The following TPH2 variants were observed in gnomAD, a reference collection of about 807,000 sequenced individuals.
TPH2 encodes tryptophan 5-hydroxylase 2.
TPH2 carries 27 observed loss-of-function variants against 59.1 expected under a neutral mutation model. The observed-to-expected ratio is 0.46, with a 90% CI of 0.34 to 0.63. TPH2 has a LOEUF of 0.63. TPH2 is among the 30% of genes least tolerant of loss of function. TPH2 has a pLI of 0.01. For missense variants in TPH2, 523 were observed against 588.3 expected, an observed-to-expected ratio of 0.89 and a Z score of 1.15; for synonymous variants, 220 against 210.5, an observed-to-expected ratio of 1.05 and a Z score of -0.39.
intron 5 of TPH2, among the ~76,000 whole-genome samples, chr12:71,953,603 C>T (rs1383052218): frequency 2.0e-5 from 3 of 152,180 alleles, no homozygotes; most frequent in African/African-American, 2.4e-5. Flanking sequence ...AGGAGAGTGA[C>T]GTGAATACCA....
intron 5 of TPH2, among the ~76,000 whole-genome samples, chr12:71,968,412 C>T (rs1026808011): frequency 1.3e-5 from 2 of 152,182 alleles, no homozygotes; most frequent in Non-Finnish European, 2.9e-5. Flanking sequence ...ACATAAATGT[C>T]TAGACTTTGC....
intron 5 of TPH2, among the ~76,000 whole-genome samples, chr12:71,955,286 A>C (rs78866127): frequency 6.6e-6 from 1 of 152,186 alleles, no homozygotes; most frequent in Non-Finnish European, 1.5e-5. Flanking sequence ...AGACAAAACT[A>C]TCTCTTCGGC....
chr12:71,978,970 T>A lies in TPH2; in HGVS notation c.824T>A (p.Val275Glu). 1 of 1,614,160 alleles carries A rather than the reference T, an allele frequency of 6.2e-7. No individual in the cohort carries two copies. The highest frequency in any genetic ancestry group is 8.5e-7 in the Non-Finnish European group (1 of 1,180,020). Residue 275 changes from valine (V) to glutamate (E), a missense_variant, in exon 7 of 11, where the codon GTG (valine) becomes GAG (glutamate). Physicochemically the swap from Val to Glu is moderately radical, Grantham distance 121. Transcript: ENST00000333850. ...TTTTTAGAAAGGTCTGGCTTCACGG[T>A]GAGGCCGGTGGCTGGATACCTGAGC... The part of the protein sequence containing the change: ...MFLKERSGFT[V>E]RPVAGYLSPR...
chr12:72,014,747 T>C (rs11179047), intron 8 of TPH2, among the ~76,000 whole-genome samples: 6,979 of 152,250 alleles, frequency 0.046, 306 homozygotes, highest in East Asian at 0.17. Context: ...TTGGGGTAGT[T>C]GTTGATGCCT....
At position 72,003,656 on chromosome 12, in the gene TPH2, A is replaced by G. The variant is rs185159793; in HGVS notation, c.1068+9091A>G. Among the ~76,000 whole-genome samples, 236 of 152,224 alleles carry G rather than the reference A, an allele frequency of 1.6e-3. 4 individuals are homozygous for G. Among genetic ancestry groups the G allele is most frequent in the Non-Finnish European group, 1.3e-4 (9 of 68,014 alleles). Reference sequence around the variant, plus strand: ...TAGCCCAGGCTGTTTTGTTCTACTCATATGTGCATGTTTCCTTTATGATAT... The same window carrying G: ...TAGCCCAGGCTGTTTTGTTCTACTCGTATGTGCATGTTTCCTTTATGATAT... On this transcript the variant is annotated intron_variant, in intron 8 of 10. Transcript: ENST00000333850.
At chr12:72,031,111 C>CA in intron 9 of TPH2, 147 bp from the exon 10 acceptor site, 1 of 1,129,946 alleles carries the variant, frequency 8.8e-7, no homozygotes, top group Non-Finnish European at 1.3e-6. Flanking sequence ...ACCCTGCACA[C>CA]AGGAGAGTTC....
intron 7 of TPH2, 129 bp downstream of exon 7, chr12:71,979,216 C>A: frequency 1.5e-6 from 2 of 1,364,594 alleles, no homozygotes; most frequent in Non-Finnish European, 2.1e-6. Context: ...TCACATCACT[C>A]ACCTAAAGAG....
At chr12:71,939,185 G>A (rs2139173764) in intron 1 of TPH2, 94 bp downstream of exon 1, 1 of 918,532 alleles carries the variant, frequency 1.1e-6, no homozygotes, top group Non-Finnish European at 1.7e-6. Context: ...GTGTAAGCAC[G>A]CACACCTCAA....
intron 5 of TPH2, among the ~76,000 whole-genome samples, chr12:71,957,543 C>A (rs1871545681): frequency 6.6e-6 from 1 of 151,892 alleles, no homozygotes; most frequent in African/African-American, 2.4e-5. Context: ...CACTATGTTG[C>A]CCAGGCTAGT....
At chr12:72,031,097 A>G (rs1259670442) in intron 9 of TPH2, among the ~76,000 whole-genome samples, 161 bp from the exon 10 acceptor site, 3 of 152,080 alleles carry the variant, frequency 2.0e-5, no homozygotes, top group African/African-American at 7.2e-5. Context: ...CTAGTTTCCA[A>G]TTTACCCTGC....
chr12:71,960,613 G>C (rs931453531), intron 5 of TPH2, among the ~76,000 whole-genome samples: 1 of 152,110 alleles, frequency 6.6e-6, no homozygotes, highest in African/African-American at 2.4e-5. Context: ...GGGCTTGGTG[G>C]GTTTTTTAGA....
At position 71,938,922 on chromosome 12, in the gene TPH2, C is replaced by T; in HGVS notation, c.-65C>T. 1.4e-6 allele frequency: 2 copies of T among 1,392,204 alleles called. No individual in the cohort carries two copies. Among genetic ancestry groups the T allele is most frequent in the Non-Finnish European group, 2.0e-6 (2 of 981,236 alleles). 86.2% of individuals were successfully genotyped at this position (1,392,204 alleles called of 1,614,324 possible). On this transcript the variant is annotated 5_prime_UTR_variant, in exon 1 of 11. Transcript: ENST00000333850. ...TCGCACGCCCCTTCCTCTCAATCTC[C>T]GCCAGCGCTGCTACTGCCCCTCTAG... is the stretch of plus-strand genomic sequence containing the variant.
chr12:71,964,515 A>G, intron 5 of TPH2: 1 of 984,024 alleles, frequency 1.0e-6, no homozygotes, highest in Non-Finnish European at 1.2e-6. Flanking sequence ...TTCTGGCAAT[A>G]TTTTTCCAGT....
At chr12:71,978,897 G>A in intron 6 of TPH2, 55 bp from the exon 7 acceptor site, 1 of 1,610,794 alleles carries the variant, frequency 6.2e-7, no homozygotes, top group East Asian at 2.2e-5. Context: ...TCCTGCTTGG[G>A]CCCTCAAGTC....
chr12:71,942,513 G>C (rs1274609553), intron 2 of TPH2, among the ~76,000 whole-genome samples: 1 of 152,198 alleles, frequency 6.6e-6, no homozygotes, highest in Admixed American at 6.5e-5. Context: ...TGGGCTGCTA[G>C]TGCAGTGGAA....
chr12:71,989,130 T>G (rs1012402534), intron 7 of TPH2, among the ~76,000 whole-genome samples: 1 of 151,820 alleles, frequency 6.6e-6, no homozygotes, highest in Admixed American at 6.6e-5. Flanking sequence ...AAGGTGACTT[T>G]TTGTAGCTAT....
At chr12:71,962,152 A>T in intron 5 of TPH2, 1 of 988,332 alleles carries the variant, frequency 1.0e-6, no homozygotes, top group East Asian at 1.1e-4. Flanking sequence ...TCCTCTACAG[A>T]TGAGTCCCCG....
chr12:71,957,611 T>C (rs1438898500), intron 5 of TPH2, among the ~76,000 whole-genome samples: 2 of 152,164 alleles, frequency 1.3e-5, no homozygotes, highest in Admixed American at 1.3e-4. Context: ...GATGGGATTA[T>C]AATTGTAAGC....
In TPH2 at chr12:71,972,650, C is replaced by G. The variant is rs1410197818; in HGVS notation, c.740C>G (p.Thr247Ser). The G allele has an allele frequency of 6.2e-7, 1 of 1,614,174 alleles. No homozygotes were observed. Among genetic ancestry groups the G allele is most frequent in the East Asian group, 2.2e-5 (1 of 44,884 alleles). ...TATTTGAAAAACTTCCCTCTGCTGA[C>G]TAAATACTGTGGCTACAGAGAGGAC... ...REYLKNFPLL[T>S]KYCGYREDNV... The change falls in exon 6 of 11, where the codon ACT becomes AGT. Residue 247 changes from threonine (T) to serine (S), a missense_variant. Thr to Ser is a moderately conservative substitution (Grantham distance 58, BLOSUM62 1). Coordinates refer to ENST00000333850, the MANE Select transcript of TPH2 (RefSeq NM_173353.4).
Sources: allele counts gnomAD v4.1 joint callset (sites outside exome capture counted in the v4.1 genomes callset), GRCh38; gene constraint gnomAD v4.1.1; transcripts MANE v1.5; gene names NCBI Gene and HGNC (gene_info 2026-07-23, HGNC 2026-07-21).